The following ARHGEF26 variants were observed in gnomAD, a reference collection of about 807,000 sequenced individuals.
The protein encoded by ARHGEF26 is Rho guanine nucleotide exchange factor 26, also known as Rho guanine nucleotide exchange factor (GEF) 26.
A neutral mutation model predicts 89.4 loss-of-function variants in ARHGEF26; 59 were observed. The observed-to-expected ratio is 0.66, with a 90% confidence interval of 0.54 to 0.82. The LOEUF (loss-of-function observed/expected upper bound fraction) is 0.82, where lower values mean the gene tolerates loss of function less well. Among genes scored for constraint, ARHGEF26 ranks in the 40% least tolerant of loss-of-function variants. The pLI is 0.00. For missense variants in ARHGEF26, 1,234 were observed against 1,085.6 expected, an observed-to-expected ratio of 1.14 and a Z score of -1.92; for synonymous variants, 500 against 428.4, an observed-to-expected ratio of 1.17 and a Z score of -2.06.
intron 4 of ARHGEF26, among the ~76,000 whole-genome samples, chr3:154,148,250 GT>G (rs888966177): frequency 1.8e-4 from 28 of 152,238 alleles, no homozygotes; most frequent in Middle Eastern, 3.4e-3. Flanking sequence ...TGACACTTCA[GT>G]TTTCTCAATC....
intron 7 of ARHGEF26, among the ~76,000 whole-genome samples, chr3:154,190,716 A>C (rs1412858301): frequency 6.6e-6 from 1 of 152,178 alleles, no homozygotes; most frequent in African/African-American, 2.4e-5. Flanking sequence ...ATGTTATAGC[A>C]GCATTAATAC....
At chr3:154,142,048 A>T (rs773832779) in intron 4 of ARHGEF26, among the ~76,000 whole-genome samples, 1 of 152,216 alleles carries the variant, frequency 6.6e-6, no homozygotes, top group Non-Finnish European at 1.5e-5. Flanking sequence ...TTTTGAAAGG[A>T]TGTAGGACAG....
chr3:154,187,313 TTAGTC>T, intron 6 of ARHGEF26: 3 of 732,632 alleles, frequency 4.1e-6, no homozygotes, highest in Non-Finnish European at 5.0e-6. Context: ...TGAAATATGT[TTAGTC>T]TAAAGTACCT....
chr3:154,146,581 C>T (rs537811670), intron 4 of ARHGEF26, among the ~76,000 whole-genome samples: 7 of 152,200 alleles, frequency 4.6e-5, no homozygotes, highest in Admixed American at 2.6e-4. Context: ...TATCTCATTT[C>T]GACATGCAAA....
chr3:154,136,428 C>T (rs1406286883), intron 4 of ARHGEF26, among the ~76,000 whole-genome samples: 1 of 152,064 alleles, frequency 6.6e-6, no homozygotes, highest in Non-Finnish European at 1.5e-5. Context: ...TCTTAAAGCA[C>T]ACATAGTGTA....
chr3:154,217,065 G>T (rs1316363359), intron 9 of ARHGEF26, among the ~76,000 whole-genome samples: 1 of 151,194 alleles, frequency 6.6e-6, no homozygotes, highest in African/African-American at 2.4e-5. Context: ...TGGGATGGCT[G>T]GGTCAAATGA....
At chr3:154,242,545 A>T (rs943311727) in intron 12 of ARHGEF26, among the ~76,000 whole-genome samples, 5 of 152,236 alleles carry the variant, frequency 3.3e-5, no homozygotes, top group African/African-American at 9.6e-5. Flanking sequence ...GAGCAAAGAA[A>T]GTGAAGTTGC....
chr3:154,217,762 A>T, intron 9 of ARHGEF26, 107 bp from the exon 10 acceptor site: 1 of 801,114 alleles, frequency 1.2e-6, no homozygotes, highest in Non-Finnish European at 2.1e-6. Context: ...TCAGAAATGA[A>T]TCTCTAGGGC....
In ARHGEF26 at chr3:154,255,433, A is replaced by G. The variant is rs1262237099; in HGVS notation, c.2576A>G (p.Glu859Gly). ...TCQATIDKNV[E>G]RMGRLLGLET... ...CAAGCTACAATTGATAAGAATGTGGAGAGAATGGGACGCTTGCTAGGACTG... is the reference window on the plus strand; with the variant it reads ...CAAGCTACAATTGATAAGAATGTGGGGAGAATGGGACGCTTGCTAGGACTG... Residue 859 changes from glutamate (E) to glycine (G), a missense_variant, in exon 15 of 15, where the codon GAG (glutamate) becomes GGG (glycine). By Grantham distance (98) the Glu-to-Gly change is moderately conservative. Transcript: ENST00000465093. 1.9e-6 allele frequency: 3 copies of G among 1,613,676 alleles called. No homozygotes were observed. Among genetic ancestry groups the G allele is most frequent in the Non-Finnish European group, 2.5e-6 (3 of 1,179,864 alleles).
rs1559862182 is a variant in ARHGEF26 at position 154,149,174 on chromosome 3, A to G, written c.1270-215A>G. ...AGTTTGTATGAGGATTCAATGGGAA[A>G]AAGAGTATAAAATGCTTAGTATATT... On this transcript the variant is annotated intron_variant, in intron 4 of 14. Transcript: ENST00000465093. 2.6e-5 allele frequency among the ~76,000 whole-genome samples: 4 copies of G among 152,320 alleles called. No homozygotes were observed. The East Asian group carries it at 7.7e-4, about 29-fold the overall frequency.
chr3:154,216,152 AT>A (rs1715713679), intron 9 of ARHGEF26, among the ~76,000 whole-genome samples: 1 of 151,992 alleles, frequency 6.6e-6, no homozygotes, highest in Admixed American at 6.6e-5. Context: ...GTATGTTTAT[AT>A]TATTAAAAAT....
intron 6 of ARHGEF26, among the ~76,000 whole-genome samples, chr3:154,180,035 G>A (rs1034750573): frequency 2.0e-5 from 3 of 152,048 alleles, no homozygotes; most frequent in Admixed American, 1.3e-4. Flanking sequence ...AGTCACTTTT[G>A]TATCGTGGCT....
intron 7 of ARHGEF26, among the ~76,000 whole-genome samples, chr3:154,190,164 G>A (rs1185624953): frequency 6.6e-6 from 1 of 152,118 alleles, no homozygotes; most frequent in Non-Finnish European, 1.5e-5. Context: ...GGGATGAAGT[G>A]AGGTAAGAGA....
chr3:154,122,157 C>A lies in ARHGEF26; in HGVS notation c.165C>A (p.Asp55Glu), dbSNP rs774029344. ...TAATTACGGATTTCCCGGTGGAGGA[C>A]GGAGGGACGCTCCTCGCAGCGCAGA... ...GLLITDFPVE[D>E]GGTLLAAQIP... Residue 55 changes from aspartate to glutamate, a missense_variant, in exon 2 of 15, where the codon GAC becomes GAA. Transcript: ENST00000465093. The A allele has an allele frequency of 2.5e-6, 4 of 1,600,454 alleles. No homozygotes were observed. The highest frequency in any genetic ancestry group is 1.1e-5 in the South Asian group (1 of 89,106).
At chr3:154,204,794 C>T (rs1025164482) in intron 9 of ARHGEF26, among the ~76,000 whole-genome samples, 1 of 152,106 alleles carries the variant, frequency 6.6e-6, no homozygotes, top group African/African-American at 2.4e-5. Context: ...CATTCAGGAG[C>T]ATATTTTTTA....
At chr3:154,238,178 C>T (rs1283082318) in intron 11 of ARHGEF26, among the ~76,000 whole-genome samples, 3 of 152,098 alleles carry the variant, frequency 2.0e-5, no homozygotes, top group African/African-American at 4.8e-5. Flanking sequence ...GTTTGTAAAG[C>T]GTATTATTCA....
chr3:154,149,416 GT>G lies in ARHGEF26; in HGVS notation c.1298del (p.Val433GlufsTer29). On this transcript the variant is annotated frameshift_variant, in exon 5 of 15. Transcript: ENST00000465093. LOFTEE classifies it high-confidence loss of function. ...GAAAAGAAAGGGATTATCTCAGACA[GT>G]AAGCCAGGAGGAAAGAAAGAGACAA... ...AVKRKGLSQT[V>X]SQEERKRQEA... is the part of the protein sequence containing the mutation. The G allele has an allele frequency of 6.2e-7, 1 of 1,608,548 alleles. No homozygotes were observed. Among genetic ancestry groups the G allele is most frequent in the Non-Finnish European group, 8.5e-7 (1 of 1,177,188 alleles).
intron 6 of ARHGEF26, among the ~76,000 whole-genome samples, chr3:154,167,671 A>T (rs542777351): frequency 6.6e-6 from 1 of 152,308 alleles, no homozygotes; most frequent in South Asian, 2.1e-4. Flanking sequence ...TTATTTAAAG[A>T]AAAACAGAGC....
chr3:154,200,158 C>T (rs749508417), intron 9 of ARHGEF26, among the ~76,000 whole-genome samples: 8 of 151,966 alleles, frequency 5.3e-5, no homozygotes, highest in Non-Finnish European at 1.0e-4. Context: ...GGAGATTCTC[C>T]CCAATATTTT....
Sources: gnomAD v4.1 joint callset for allele counts (sites outside exome capture counted in the v4.1 genomes callset) on GRCh38, gnomAD v4.1.1 for gene constraint, MANE v1.5 for transcripts, NCBI Gene and HGNC (gene_info 2026-07-23, HGNC 2026-07-21) for gene names.